SHQ1: variants seen among roughly 807,000 people sequenced by gnomAD.
SHQ1 encodes the protein SHQ1, H/ACA ribonucleoprotein assembly factor.
Under a neutral mutation model 53.8 loss-of-function variants are expected in SHQ1, and 49 were observed. The ratio of observed to expected loss-of-function variants is 0.91; its 90% CI spans 0.72 to 1.16. SHQ1 has a LOEUF of 1.16. SHQ1 is among the 50% of genes most tolerant of loss of function. SHQ1 has a pLI of 0.00. For missense variants in SHQ1, 738 were observed against 683.1 expected (o/e 1.08, Z -0.90); for synonymous variants, 243 against 251.0 (o/e 0.97, Z 0.30).
chr3:72,751,508 G>GTGTATATATATATATATATATA (rs1210782182), intron 10 of SHQ1, among the ~76,000 whole-genome samples: 4 of 116,982 alleles, frequency 3.4e-5, no homozygotes, highest in African/African-American at 1.8e-4. Flanking sequence ...GTGTGTGTGT[G>GTGTATATATATATATATATATA]TATATATATA....
chr3:72,765,935 G>T (rs1238763055), intron 10 of SHQ1, among the ~76,000 whole-genome samples: 1 of 152,056 alleles, frequency 6.6e-6, no homozygotes, highest in African/African-American at 2.4e-5. Context: ...ATATTCTTGT[G>T]TAAGAAAAGA....
At chr3:72,767,114 C>A (rs1388662476) in intron 10 of SHQ1, among the ~76,000 whole-genome samples, 5 of 152,140 alleles carry the variant, frequency 3.3e-5, no homozygotes, top group Admixed American at 1.3e-4. Context: ...AGCCACAAAC[C>A]CAAGCACTAA....
chr3:72,762,247 T>A (rs1179214208), intron 10 of SHQ1, among the ~76,000 whole-genome samples: 1 of 152,168 alleles, frequency 6.6e-6, no homozygotes, highest in African/African-American at 2.4e-5. Flanking sequence ...ATAAGGTTTA[T>A]CCAAATGCAG....
chr3:72,836,800 T>G (rs1230715541), intron 4 of SHQ1, among the ~76,000 whole-genome samples: 1 of 152,254 alleles, frequency 6.6e-6, no homozygotes, highest in Admixed American at 6.5e-5. Context: ...GGTTCCTTTT[T>G]CTTTTAAACA....
intron 10 of SHQ1, among the ~76,000 whole-genome samples, chr3:72,787,719 C>T (rs1237729038): frequency 6.6e-6 from 1 of 152,036 alleles, no homozygotes; most frequent in Non-Finnish European, 1.5e-5. Flanking sequence ...CTCCCCCTCC[C>T]CCTCCCTCTC....
chr3:72,817,528 A>G, intron 6 of SHQ1, 144 bp from the exon 7 acceptor site: 1 of 741,390 alleles, frequency 1.3e-6, no homozygotes, highest in Non-Finnish European at 2.1e-6. Context: ...AAATAACTTA[A>G]GTAGACTTCA....
rs1336606159 is a variant in SHQ1, at chr3:72,772,904, C to A, written c.1181+20012G>T. 3.7e-6 allele frequency: 3 copies of A among 811,096 alleles called. No individual in the cohort carries two copies. The African/African-American group carries it at 5.0e-5, about 14-fold the overall frequency. 50.2% of individuals were successfully genotyped at this position (811,096 alleles called of 1,614,324 possible). A position where few individuals can be genotyped will look rare whatever the true frequency, so the allele number is the denominator to read the frequency against. On this transcript the variant is annotated intron_variant, in intron 10 of 10. Transcript: ENST00000325599. ...TCTGAATTGGAAGCACAGGCTGTTACAACTTCTAAATGGGAGTTATTTGAC... is the reference window on the plus strand; with the variant it reads ...TCTGAATTGGAAGCACAGGCTGTTAAAACTTCTAAATGGGAGTTATTTGAC...
At chr3:72,839,905 TGG>T in intron 4 of SHQ1, among the ~76,000 whole-genome samples, 1 of 151,544 alleles carries the variant, frequency 6.6e-6, no homozygotes, top group South Asian at 2.1e-4. Flanking sequence ...GGACTACAGG[TGG>T]GTGCCACCAT....
chr3:72,763,062 CAGAGAGAG>C (rs1298255006), intron 10 of SHQ1, among the ~76,000 whole-genome samples: 1 of 76,200 alleles, frequency 1.3e-5, no homozygotes, highest in African/African-American at 3.9e-5. Context: ...CACACACACA[CAGAGAGAG>C]AGAGAGAGAG....
At chr3:72,780,536 A>T (rs1031285580) in intron 10 of SHQ1, among the ~76,000 whole-genome samples, 2 of 152,226 alleles carry the variant, frequency 1.3e-5, no homozygotes, top group African/African-American at 2.4e-5. Context: ...GGAATGGCAC[A>T]AAGGTACTTA....
chr3:72,844,313 T>C (rs764226673), intron 2 of SHQ1, 46 bp downstream of exon 2: 31 of 1,500,510 alleles, frequency 2.1e-5, no homozygotes, highest in Non-Finnish European at 2.7e-5. Flanking sequence ...GTAAATAATG[T>C]GAAAAATCCC....
chr3:72,842,927 T>C (rs776286354), intron 2 of SHQ1, among the ~76,000 whole-genome samples: 5 of 151,928 alleles, frequency 3.3e-5, no homozygotes, highest in Non-Finnish European at 7.4e-5. Flanking sequence ...ATACAAAAAT[T>C]AGCTGGGAGT....
chr3:72,845,486 A>C (rs78967455), intron 1 of SHQ1, among the ~76,000 whole-genome samples: 1 of 134,914 alleles, frequency 7.4e-6, no homozygotes, highest in Non-Finnish European at 1.5e-5. Context: ...TTCTGTGTCC[A>C]AAAAAAAAAA....
At chr3:72,845,045 G>T (rs1233946324) in intron 1 of SHQ1, among the ~76,000 whole-genome samples, 1 of 152,004 alleles carries the variant, frequency 6.6e-6, no homozygotes, top group South Asian at 2.1e-4. Flanking sequence ...GTACAGATAA[G>T]GGATACTCAA....
chr3:72,823,618 G>A (rs1450802998), intron 6 of SHQ1, among the ~76,000 whole-genome samples: 2 of 152,108 alleles, frequency 1.3e-5, no homozygotes. Context: ...TACTAATATG[G>A]AAGATGTGCA....
the SHQ1 span, among the ~76,000 whole-genome samples, chr3:72,733,077 G>A: frequency 6.6e-6 from 1 of 151,574 alleles, no homozygotes; most frequent in Admixed American, 6.6e-5. Context: ...GAGAGGTGGG[G>A]TGGAGCCCAG....
At chr3:72,752,827 AATT>A (rs1323624736) in intron 10 of SHQ1, 8 of 244,568 alleles carry the variant, frequency 3.3e-5, no homozygotes, top group Admixed American at 1.3e-4. Context: ...AGGCCCAGCT[AATT>A]TTTTTTGTAT....
rs545574839 is a variant in SHQ1, at chr3:72,836,910, G to C, written c.486+4135C>G. 2.0e-5 allele frequency among the ~76,000 whole-genome samples: 3 copies of C among 152,344 alleles called. No homozygotes were observed. The East Asian group carries it at 5.8e-4, about 29-fold the overall frequency. ...TAAGTTTATGGAAGTTTAGGCACAG[G>C]TTAGGCAGAGACAATCCAGAAAGAA... is the stretch of plus-strand genomic sequence containing the variant. On this transcript the variant is annotated intron_variant, in intron 4 of 10. Coordinates refer to ENST00000325599, the MANE Select transcript of SHQ1 (RefSeq NM_018130.3).
At chr3:72,726,235 T>C in the SHQ1 span, among the ~76,000 whole-genome samples, 1 of 152,184 alleles carries the variant, frequency 6.6e-6, no homozygotes, top group Admixed American at 6.5e-5. Context: ...GGGAGTCAGA[T>C]TTTAAGCCTG....
Sources: gnomAD v4.1 joint callset for allele counts (sites outside exome capture counted in the v4.1 genomes callset) on GRCh38, gnomAD v4.1.1 for gene constraint, MANE v1.5 for transcripts, NCBI Gene and HGNC (gene_info 2026-07-23, HGNC 2026-07-21) for gene names.